MED15: variants seen among roughly 807,000 people sequenced by gnomAD.
MED15 encodes mediator complex subunit 15, also known as mediator of RNA polymerase II transcription subunit 15.
In MED15, 41 loss-of-function variants were observed where a neutral mutation model predicts 118.7. The ratio of observed to expected loss-of-function variants is 0.35; its 90% CI spans 0.27 to 0.45. MED15 has a LOEUF of 0.45. Among genes scored for constraint, MED15 ranks in the 20% least tolerant of loss-of-function variants. The pLI is 1.00. For missense variants in MED15, 740 were observed against 1,025.5 expected (o/e 0.72, Z 3.80); for synonymous variants, 436 against 413.9 (o/e 1.05, Z -0.65).
chr22:20,555,668 G>A (rs1171619486), intron 5 of MED15, among the ~76,000 whole-genome samples: 1 of 152,242 alleles, frequency 6.6e-6, no homozygotes, highest in Admixed American at 6.5e-5. Context: ...GTGATCAGGT[G>A]TTATAGGTGA....
Position 20,542,637 on chromosome 22 carries a change from G to A in MED15, c.156+5433G>A, listed in dbSNP as rs372195979. On this transcript the variant is annotated intron_variant, in intron 2 of 17. Transcript: ENST00000263205. ...ATGTCTCTGCCCTCACTTTCTTAAA[G>A]GGTAGCACATGTTTGAGGCTGCGTA... 4.6e-5 allele frequency among the ~76,000 whole-genome samples: 7 copies of A among 152,316 alleles called. No individual in the cohort carries two copies. In the South Asian group the frequency reaches 1.2e-3, roughly 27 times the overall value.
chr22:20,551,445 C>G lies in MED15; in HGVS notation c.166C>G (p.Leu56Val). The change falls in exon 3 of 18, where the codon CTT (leucine) becomes GTT (valine). Residue 56 changes from leucine (L) to valine (V), a missense_variant. Coordinates refer to ENST00000263205, the MANE Select transcript of MED15 (RefSeq NM_001003891.3). The part of the protein sequence containing the change: ...FLKAKTRDEY[L>V]SLVARLIIHF... ...CTGTTTTTACTTTTAGGACGAATAC[C>G]TTTCTCTCGTGGCCAGGCTCATTAT... 2 of 1,614,110 alleles carry G rather than the reference C, an allele frequency of 1.2e-6. No homozygotes were observed. The highest frequency in any genetic ancestry group is 1.7e-6 in the Non-Finnish European group (2 of 1,179,962).
At chr22:20,511,253 G>A (rs2054053028) in intron 1 of MED15, among the ~76,000 whole-genome samples, 1 of 152,126 alleles carries the variant, frequency 6.6e-6, no homozygotes. Flanking sequence ...ACTCACACCT[G>A]TAATCCCAGC....
At chr22:20,526,381 T>C (rs2054645994) in intron 1 of MED15, among the ~76,000 whole-genome samples, 1 of 152,198 alleles carries the variant, frequency 6.6e-6, no homozygotes, top group Non-Finnish European at 1.5e-5. Context: ...ACTTGGCGTT[T>C]TACAAATTAT....
chr22:20,586,151 A>G (rs1277273059), intron 17 of MED15, among the ~76,000 whole-genome samples: 2 of 152,206 alleles, frequency 1.3e-5, no homozygotes, highest in African/African-American at 2.4e-5. Context: ...CCCAGAGGCC[A>G]CTAGCTTCCC....
chr22:20,508,346 C>T (rs1368673981), intron 1 of MED15: 5 of 1,304,220 alleles, frequency 3.8e-6, no homozygotes, highest in Non-Finnish European at 5.1e-6. Context: ...TCAGTGGCCC[C>T]GCTCAGAGGA....
intron 9 of MED15, among the ~76,000 whole-genome samples, chr22:20,579,154 C>T (rs951108745): frequency 6.6e-6 from 1 of 152,210 alleles, no homozygotes; most frequent in African/African-American, 2.4e-5. Flanking sequence ...CTGTTCCCTG[C>T]TCCAATCCCA....
At chr22:20,586,096 G>C (rs1170455052) in intron 17 of MED15, among the ~76,000 whole-genome samples, 1 of 152,230 alleles carries the variant, frequency 6.6e-6, no homozygotes, top group South Asian at 2.1e-4. Flanking sequence ...TGTTCAGTGG[G>C]TGAGGGGTGA....
At chr22:20,542,743 G>C (rs1334588663) in intron 2 of MED15, among the ~76,000 whole-genome samples, 1 of 152,194 alleles carries the variant, frequency 6.6e-6, no homozygotes, top group African/African-American at 2.4e-5. Context: ...TCTACTCCAA[G>C]CTGGCAGTGT....
At chr22:20,558,446 G>T (rs1321705095) in intron 5 of MED15, among the ~76,000 whole-genome samples, 2 of 152,182 alleles carry the variant, frequency 1.3e-5, no homozygotes, top group Admixed American at 1.3e-4. Context: ...TGTTCCTATG[G>T]CTGGGGCTGC....
In MED15 at chr22:20,553,054, G is replaced by T; in HGVS notation, c.209-91G>T. 3.2e-6 allele frequency: 4 copies of T among 1,259,184 alleles called. No homozygotes were observed. In the Admixed American group the frequency reaches 5.6e-5, roughly 18 times the overall value. 78.0% of individuals were successfully genotyped at this position (1,259,184 alleles called of 1,614,324 possible). A position where few individuals can be genotyped will look rare whatever the true frequency, so the allele number is the denominator to read the frequency against. On this transcript the variant is annotated intron_variant, in intron 3 of 17. Transcript: ENST00000263205. ...GAGCTCCGTGGGGATTAAGGCTTGGGCAAATGCCTACAGAACTGACCTACC... is the reference window on the plus strand; with the variant it reads ...GAGCTCCGTGGGGATTAAGGCTTGGTCAAATGCCTACAGAACTGACCTACC...
At chr22:20,540,898 A>G (rs540259469) in intron 2 of MED15, among the ~76,000 whole-genome samples, 12 of 150,258 alleles carry the variant, frequency 8.0e-5, no homozygotes, top group Non-Finnish European at 1.5e-5. Flanking sequence ...CAACTCAACA[A>G]CAACAACAAC....
intron 6 of MED15, 125 bp downstream of exon 6, chr22:20,564,813 C>T: frequency 6.8e-7 from 1 of 1,478,332 alleles, no homozygotes; most frequent in East Asian, 2.3e-5. Context: ...CGTGTGCCTG[C>T]CCTTTTCCAT....
rs139173095 is a variant in MED15 at position 20,572,294 on chromosome 22, TTGTA to T, written c.1153-2812_1153-2809del. Among the ~76,000 whole-genome samples the T allele has an allele frequency of 5.1e-4, 78 of 152,314 alleles. No homozygotes were observed. In the East Asian group the frequency reaches 9.5e-3, roughly 18 times the overall value. On this transcript the variant is annotated intron_variant, in intron 8 of 17. Transcript: ENST00000263205. ...GACGTGGTGACCACGTGTTGCAGCT[TTGTA>T]TGTATGAGCTGCCGCGTGCTGCGGA...
intron 9 of MED15, among the ~76,000 whole-genome samples, chr22:20,579,131 C>A (rs1446457083): frequency 6.6e-6 from 1 of 152,228 alleles, no homozygotes; most frequent in Non-Finnish European, 1.5e-5. Flanking sequence ...ACTAGAGAGG[C>A]ACTGTTGCCT....
chr22:20,523,066 C>T (rs545972743), intron 1 of MED15: 51 of 152,324 alleles, frequency 3.3e-4, no homozygotes, highest in African/African-American at 1.2e-3. Context: ...CTCTCCAGAG[C>T]TGGCTGTTAC....
chr22:20,507,622 G>A lies in MED15; in HGVS notation c.-57G>A. On this transcript the variant is annotated 5_prime_UTR_variant, in exon 1 of 18. Coordinates refer to ENST00000263205, the MANE Select transcript of MED15 (RefSeq NM_001003891.3). ...CGGGTTTGGGCCTGGCTCTGTGACT[G>A]AGGCGGCGGCGGTGGCGGCCAAGCG... 6.2e-7 allele frequency: 1 copy of A among 1,608,472 alleles called. No homozygotes were observed. Among genetic ancestry groups the A allele is most frequent in the Non-Finnish European group, 8.5e-7 (1 of 1,175,160 alleles).
In MED15 at chr22:20,507,642, C is replaced by A. The variant is rs1403930002; in HGVS notation, c.-37C>A. On this transcript the variant is annotated 5_prime_UTR_variant, in exon 1 of 18. Coordinates refer to ENST00000263205, the MANE Select transcript of MED15 (RefSeq NM_001003891.3). The stretch of plus-strand genomic sequence containing the variant: ...TGACTGAGGCGGCGGCGGTGGCGGC[C>A]AAGCGGGATACGGGCGGCGGGAGCT... 8 of 1,613,288 alleles carry A rather than the reference C, an allele frequency of 5.0e-6. No homozygotes were observed. The highest frequency in any genetic ancestry group is 5.9e-6 in the Non-Finnish European group (7 of 1,179,562).
At position 20,575,222 on chromosome 22, in the gene MED15, C is replaced by CCAT; in HGVS notation, c.1263_1265dup (p.Pro421_Met422insIle). 6.2e-7 allele frequency: 1 copy of CCAT among 1,613,854 alleles called. No individual in the cohort carries two copies. The highest frequency in any genetic ancestry group is 8.5e-7 in the Non-Finnish European group (1 of 1,180,028). Reference sequence around the variant, plus strand: ...AGCTCCATCCCTTTGGGCAGACAGCCCATGGCACAGGTATTTACGGGGCAG... The same window carrying CCAT: ...AGCTCCATCCCTTTGGGCAGACAGCCCATCATGGCACAGGTATTTACGGGGCAG... On this transcript the variant is annotated inframe_insertion, in exon 9 of 18. Coordinates refer to ENST00000263205, the MANE Select transcript of MED15 (RefSeq NM_001003891.3).
Sources: allele counts gnomAD v4.1 joint callset (sites outside exome capture counted in the v4.1 genomes callset), GRCh38; gene constraint gnomAD v4.1.1; transcripts MANE v1.5; gene names NCBI Gene and HGNC (gene_info 2026-07-23, HGNC 2026-07-21).